Variants in FBXL7 observed in about 807,000 individuals in gnomAD.
The protein encoded by FBXL7 is F-box and leucine rich repeat protein 7, also known as F-box/LRR-repeat protein 7.
Under a neutral mutation model 38.3 loss-of-function variants are expected in FBXL7, and 12 were observed. The ratio of observed to expected loss-of-function variants is 0.31; its 90% CI spans 0.20 to 0.51. FBXL7 has a LOEUF of 0.51. FBXL7 is among the 20% of genes least tolerant of loss of function. The pLI, the probability that FBXL7 is intolerant of heterozygous loss-of-function variation, is 0.98. For missense variants in FBXL7, 567 were observed against 676.4 expected, an observed-to-expected ratio of 0.84 and a Z score of 1.79; for synonymous variants, 297 against 300.9, an observed-to-expected ratio of 0.99 and a Z score of 0.13.
intron 1 of FBXL7, among the ~76,000 whole-genome samples, chr5:15,506,763 T>G (rs1391256781): frequency 2.6e-5 from 4 of 151,870 alleles, no homozygotes; most frequent in South Asian, 2.1e-4. Context: ...ACTAATGTCA[T>G]TCATCAGGGT....
chr5:15,830,485 A>ACACACACACACACAC (rs1554024729), intron 2 of FBXL7, among the ~76,000 whole-genome samples: 1 of 144,192 alleles, frequency 6.9e-6, no homozygotes, highest in Non-Finnish European at 1.5e-5. Context: ...CTCCATCTAA[A>ACACACACACACACAC]ACACACACAC....
chr5:15,817,298 AC>A (rs1296269354), intron 2 of FBXL7, among the ~76,000 whole-genome samples: 1 of 151,828 alleles, frequency 6.6e-6, no homozygotes, highest in Non-Finnish European at 1.5e-5. Flanking sequence ...ACTTTTGCTA[AC>A]TTTTTTTTTT....
At chr5:15,620,275 C>G (rs533845019) in intron 2 of FBXL7, among the ~76,000 whole-genome samples, 1 of 149,772 alleles carries the variant, frequency 6.7e-6, no homozygotes, top group African/African-American at 2.5e-5. Flanking sequence ...TCTTGTTGCC[C>G]AATCTGGAGT....
rs557631491 is a variant in FBXL7, at chr5:15,936,479, A to T, written c.769A>T (p.Thr257Ser). ...CTCCAAAGTGACCTGCATCAGCTTG[A>T]CCCGGGAGGCCTCCATTAAACTGTC... ...GCSKVTCISL[T>S]REASIKLSPL... Residue 257 changes from threonine (T) to serine (S), a missense_variant, in exon 4 of 4, where the codon ACC becomes TCC. Physicochemically the swap from Thr to Ser is moderately conservative, Grantham distance 58. Coordinates refer to ENST00000504595, the MANE Select transcript of FBXL7 (RefSeq NM_012304.5). The surrounding 1 kb of genome is among the most constrained non-coding windows in gnomAD (Gnocchi z 6.0). 8.7e-6 allele frequency: 14 copies of T among 1,613,162 alleles called. No homozygotes were observed. The South Asian group carries it at 1.4e-4, about 16-fold the overall frequency.
chr5:15,628,132 A>G (rs1740878263), intron 2 of FBXL7, among the ~76,000 whole-genome samples: 1 of 152,222 alleles, frequency 6.6e-6, no homozygotes, highest in East Asian at 1.9e-4. Context: ...TTTTATATAT[A>G]TAACAAAGAA....
At position 15,787,393 on chromosome 5, in the gene FBXL7, A is replaced by G. The variant is rs184168633; in HGVS notation, c.128-140497A>G. Among the ~76,000 whole-genome samples, 575 of 152,306 alleles carry G rather than the reference A, an allele frequency of 3.8e-3. 5 individuals are homozygous for G. Among genetic ancestry groups the G allele is most frequent in the African/African-American group, 0.013 (539 of 41,562 alleles). On this transcript the variant is annotated intron_variant, in intron 2 of 3. Coordinates refer to ENST00000504595, the MANE Select transcript of FBXL7 (RefSeq NM_012304.5). ...TCTTTTAAGGAGGTATGCCTTGATC[A>G]GGGCTTTAAAGAAGATGAAGGCAAG...
chr5:15,775,237 A>G (rs1447620528), intron 2 of FBXL7, among the ~76,000 whole-genome samples: 1 of 152,204 alleles, frequency 6.6e-6, no homozygotes, highest in African/African-American at 2.4e-5. Flanking sequence ...GTTGAATAGC[A>G]GAAAAACATT....
intron 2 of FBXL7, among the ~76,000 whole-genome samples, chr5:15,673,576 TG>T (rs946532132): frequency 1.5e-4 from 23 of 152,280 alleles, no homozygotes; most frequent in African/African-American, 4.6e-4. Flanking sequence ...AGTGGTCACA[TG>T]GTAAGAATGT....
At chr5:15,517,247 C>T (rs1187589880) in intron 1 of FBXL7, among the ~76,000 whole-genome samples, 3 of 151,884 alleles carry the variant, frequency 2.0e-5, no homozygotes, top group Non-Finnish European at 4.4e-5. Flanking sequence ...AGGATGGTCT[C>T]GATCATATTG....
In FBXL7 at chr5:15,939,415, A is replaced by G. The variant is rs1035562863; in HGVS notation, c.*2229A>G. ...AATGAGCAGGGAGATCCAGAGAATG[A>G]ATCCCTGACCGCATCACCTAAACTG... On this transcript the variant is annotated 3_prime_UTR_variant, in exon 4 of 4. Transcript: ENST00000504595. 1 of 189,758 alleles carries G rather than the reference A, an allele frequency of 5.3e-6. No individual in the cohort carries two copies. 11.8% of individuals were successfully genotyped at this position (189,758 alleles called of 1,614,324 possible).
chr5:15,788,854 A>ATTT (rs796860907), intron 2 of FBXL7, among the ~76,000 whole-genome samples: 1 of 132,442 alleles, frequency 7.6e-6, no homozygotes, highest in African/African-American at 2.8e-5. Flanking sequence ...TAAGTTTTGT[A>ATTT]TTTTTTTTTT....
chr5:15,619,066 C>T (rs60120968), intron 2 of FBXL7, among the ~76,000 whole-genome samples: 36,269 of 152,096 alleles, frequency 0.24, 4,544 homozygotes, highest in Middle Eastern at 0.29. Flanking sequence ...CATGATTCTT[C>T]CCTTAGGGTG....
chr5:15,514,328 A>G (rs1736876233), intron 1 of FBXL7, among the ~76,000 whole-genome samples: 1 of 152,180 alleles, frequency 6.6e-6, no homozygotes, highest in Non-Finnish European at 1.5e-5. Flanking sequence ...GTCGCTGAAG[A>G]TCATCTCTTT....
rs754889307 is a variant in FBXL7 at position 15,936,553 on chromosome 5, C to A, written c.843C>A (p.Asp281Glu). 34 of 1,613,264 alleles carry A rather than the reference C, an allele frequency of 2.1e-5. No homozygotes were observed. The highest frequency in any genetic ancestry group is 2.9e-5 in the Non-Finnish European group (34 of 1,179,912). The change falls in exon 4 of 4, where the codon GAC becomes GAA. Residue 281 changes from aspartate to glutamate, a missense_variant. By Grantham distance (45) the Asp-to-Glu change is conservative. Transcript: ENST00000504595. This position sits in a 1 kb window ranked among gnomAD's most constrained non-coding sequence, Gnocchi z 6.0. ...CCATCCGCTACCTGGACATGACGGA[C>A]TGCTTCGTGCTGGAGGACGAAGGCC... ...QISIRYLDMT[D>E]CFVLEDEGLH...
chr5:15,631,363 C>T (rs1401869191), intron 2 of FBXL7, among the ~76,000 whole-genome samples: 1 of 151,990 alleles, frequency 6.6e-6, no homozygotes, highest in African/African-American at 2.4e-5. Flanking sequence ...GCAGCATTTC[C>T]TTGGTGTCGT....
In FBXL7 at chr5:15,565,099, A is replaced by G. The variant is rs989931519; in HGVS notation, c.38-50884A>G. 3.9e-5 allele frequency among the ~76,000 whole-genome samples: 6 copies of G among 152,144 alleles called. No individual in the cohort carries two copies. In the East Asian group the frequency reaches 9.6e-4, roughly 24 times the overall value. On this transcript the variant is annotated intron_variant, in intron 1 of 3. Coordinates refer to ENST00000504595, the MANE Select transcript of FBXL7 (RefSeq NM_012304.5). ...TTTCCTGTTTTAGAAAGAAAAAGGCATATGATCATTCCCACTAAAATGAAT... is the reference window on the plus strand; with the variant it reads ...TTTCCTGTTTTAGAAAGAAAAAGGCGTATGATCATTCCCACTAAAATGAAT...
intron 2 of FBXL7, among the ~76,000 whole-genome samples, chr5:15,787,747 T>C (rs1258161913): frequency 2.6e-5 from 4 of 152,176 alleles, no homozygotes; most frequent in Non-Finnish European, 5.9e-5. Flanking sequence ...AGAAATAATT[T>C]CAGGGATGTT....
intron 2 of FBXL7, among the ~76,000 whole-genome samples, chr5:15,664,524 T>G (rs1396780567): frequency 7.1e-6 from 1 of 140,662 alleles, no homozygotes; most frequent in African/African-American, 2.7e-5. Context: ...CAGGCTGGAG[T>G]GCAGTGGCAC....
At chr5:15,776,391 C>T (rs1736858630) in intron 2 of FBXL7, among the ~76,000 whole-genome samples, 1 of 151,882 alleles carries the variant, frequency 6.6e-6, no homozygotes, top group African/African-American at 2.4e-5. Context: ...TGGTAACAAC[C>T]AATTATAAAT....
Sources: gnomAD v4.1 joint callset for allele counts (sites outside exome capture counted in the v4.1 genomes callset) on GRCh38, gnomAD v4.1.1 for gene constraint, Gnocchi (gnomAD v3.1) non-coding constraint, MANE v1.5 for transcripts, NCBI Gene and HGNC (gene_info 2026-07-23, HGNC 2026-07-21) for gene names.